CTNND2: variants seen among roughly 807,000 people sequenced by gnomAD.
The protein encoded by CTNND2 is catenin delta-2.
Under a neutral mutation model 144.4 loss-of-function variants are expected in CTNND2, and 22 were observed. That is an observed-to-expected ratio of 0.15 (90% CI 0.11 to 0.22). The LOEUF (loss-of-function observed/expected upper bound fraction) is 0.22. Ranked by LOEUF, CTNND2 falls within the 10% of genes least tolerant of loss-of-function variation. The probability of loss-of-function intolerance (pLI) is 1.00; values close to 1 mark genes in which losing one functional copy is unlikely to be tolerated. For missense variants in CTNND2, 1,353 were observed against 1,618.8 expected (o/e 0.84, Z 2.82); for synonymous variants, 751 against 695.6 (o/e 1.08, Z -1.25).
intron 9 of CTNND2, among the ~76,000 whole-genome samples, chr5:11,318,752 C>T (rs1234502378): frequency 6.6e-6 from 1 of 152,052 alleles, no homozygotes; most frequent in Non-Finnish European, 1.5e-5. Context: ...TCCGCCCCAC[C>T]AAGTTTTATC....
At chr5:11,810,869 TAA>T (rs879499069) in intron 1 of CTNND2, among the ~76,000 whole-genome samples, 2,880 of 151,714 alleles carry the variant, frequency 0.019, 103 homozygotes, top group African/African-American at 0.066. Context: ...CCTATTTTTT[TAA>T]AAAAAAAGAC....
chr5:11,352,144 G>A (rs904287582), intron 8 of CTNND2, among the ~76,000 whole-genome samples: 1 of 152,164 alleles, frequency 6.6e-6, no homozygotes, highest in African/African-American at 2.4e-5. Context: ...TCTTTGTGGG[G>A]AGAGGCATTT....
At chr5:11,198,258 T>C (rs1350091932) in intron 11 of CTNND2, among the ~76,000 whole-genome samples, 1 of 152,230 alleles carries the variant, frequency 6.6e-6, no homozygotes, top group African/African-American at 2.4e-5. Context: ...AACATTGCTT[T>C]AGTAGCACGG....
chr5:11,570,282 C>T (rs988791076), intron 2 of CTNND2, among the ~76,000 whole-genome samples: 5 of 152,176 alleles, frequency 3.3e-5, no homozygotes, highest in African/African-American at 7.2e-5. Context: ...GATCTCTCTC[C>T]ATCTTCAGGC....
chr5:11,422,443 G>C (rs31886), intron 3 of CTNND2, among the ~76,000 whole-genome samples: 25,078 of 152,026 alleles, frequency 0.16, 3,893 homozygotes, highest in African/African-American at 0.4. Flanking sequence ...ATTTTAGTTT[G>C]AGGCAGGGGA....
At chr5:11,774,550 T>TTA (rs1554118993) in intron 1 of CTNND2, among the ~76,000 whole-genome samples, 1 of 24,328 alleles carries the variant, frequency 4.1e-5, no homozygotes, top group Admixed American at 1.0e-3. Flanking sequence ...TAAAGTATAA[T>TTA]AAAAAAAAAT....
At chr5:11,000,602 A>G (rs1423342527) in intron 18 of CTNND2, among the ~76,000 whole-genome samples, 1 of 152,186 alleles carries the variant, frequency 6.6e-6, no homozygotes, top group Admixed American at 6.5e-5. Context: ...ATGAGCTAGA[A>G]CTGTCTGGCA....
chr5:11,177,267 C>T (rs1760567753), intron 11 of CTNND2, among the ~76,000 whole-genome samples: 1 of 152,176 alleles, frequency 6.6e-6, no homozygotes, highest in Admixed American at 6.5e-5. Flanking sequence ...GTTTTACCCT[C>T]AGGGGAAATC....
chr5:11,019,108 T>C (rs1163596231), intron 17 of CTNND2, among the ~76,000 whole-genome samples: 1 of 152,210 alleles, frequency 6.6e-6, no homozygotes, highest in Non-Finnish European at 1.5e-5. Context: ...AAAGAAGATA[T>C]TTCTACAACA....
At chr5:11,000,716 C>A (rs1739866407) in intron 18 of CTNND2, among the ~76,000 whole-genome samples, 1 of 152,110 alleles carries the variant, frequency 6.6e-6, no homozygotes, top group Non-Finnish European at 1.5e-5. Flanking sequence ...CAGGAGTTGG[C>A]CCTTCTCTCA....
chr5:11,224,215 G>A (rs1014737698), intron 10 of CTNND2, among the ~76,000 whole-genome samples: 1 of 152,100 alleles, frequency 6.6e-6, no homozygotes, highest in African/African-American at 2.4e-5. Flanking sequence ...ATGACTCATG[G>A]TCCTTTCCAC....
chr5:11,895,247 T>C (rs1258162319), intron 1 of CTNND2, among the ~76,000 whole-genome samples: 1 of 152,192 alleles, frequency 6.6e-6, no homozygotes, highest in East Asian at 1.9e-4. Context: ...GGTGCGTTTA[T>C]GCTTCATGTG....
chr5:11,021,559 C>A (rs753717512), intron 17 of CTNND2, among the ~76,000 whole-genome samples: 1 of 152,132 alleles, frequency 6.6e-6, no homozygotes, highest in Non-Finnish European at 1.5e-5. Context: ...GTCTCCACTG[C>A]GCAATTATTA....
intron 2 of CTNND2, among the ~76,000 whole-genome samples, chr5:11,578,444 C>T (rs984580175): frequency 1.7e-4 from 26 of 151,894 alleles, no homozygotes; most frequent in South Asian, 2.1e-4. Context: ...GGGCAGATCA[C>T]GAGGTCAGGA....
intron 3 of CTNND2, among the ~76,000 whole-genome samples, chr5:11,537,686 A>G (rs559078093): frequency 6.6e-6 from 1 of 152,328 alleles, no homozygotes; most frequent in South Asian, 2.1e-4. Flanking sequence ...GTATGGTAGA[A>G]TTCAGAAGCA....
intron 3 of CTNND2, among the ~76,000 whole-genome samples, chr5:11,443,760 C>T (rs986435737): frequency 6.6e-6 from 1 of 152,176 alleles, no homozygotes; most frequent in Admixed American, 6.5e-5. Context: ...GGTCCAAATT[C>T]AATCTCTGCT....
chr5:10,994,245 G>A (rs1305492955), intron 18 of CTNND2, among the ~76,000 whole-genome samples: 1 of 112,274 alleles, frequency 8.9e-6, no homozygotes, highest in Non-Finnish European at 1.8e-5. Context: ...GGCGGGGATA[G>A]AGGAGCGGGG....
intron 9 of CTNND2, among the ~76,000 whole-genome samples, chr5:11,309,089 C>A (rs1450867996): frequency 6.6e-6 from 1 of 152,204 alleles, no homozygotes; most frequent in Non-Finnish European, 1.5e-5. Flanking sequence ...ATTGGGGATT[C>A]GAATTTGACA....
At chr5:11,821,553 T>C (rs1449567949) in intron 1 of CTNND2, among the ~76,000 whole-genome samples, 1 of 152,182 alleles carries the variant, frequency 6.6e-6, no homozygotes, top group Non-Finnish European at 1.5e-5. Context: ...AAATTTCATC[T>C]GATCCTGAAT....
Sources: allele counts gnomAD v4.1 joint callset (sites outside exome capture counted in the v4.1 genomes callset), GRCh38; gene constraint gnomAD v4.1.1; transcripts MANE v1.5; gene names NCBI Gene and HGNC (gene_info 2026-07-23, HGNC 2026-07-21).